The following LINGO2 variants were observed in gnomAD, a reference collection of about 807,000 sequenced individuals.
LINGO2 encodes leucine rich repeat and Ig domain containing 2.
Under a neutral mutation model 30.6 loss-of-function variants are expected in LINGO2, and 14 were observed. The observed-to-expected ratio is 0.46, with a 90% confidence interval of 0.30 to 0.72. The LOEUF (loss-of-function observed/expected upper bound fraction) is 0.72, where lower values mean the gene tolerates loss of function less well. Among genes scored for constraint, LINGO2 ranks in the 30% least tolerant of loss-of-function variants. The pLI is 0.07. For synonymous variants in LINGO2, 317 were observed against 288.5 expected (o/e 1.10, Z -1.00); for missense variants, 729 against 751.7 (o/e 0.97, Z 0.35).
At chr9:28,611,212 A>G (rs1825900578) in intron 1 of LINGO2, among the ~76,000 whole-genome samples, 3 of 152,198 alleles carry the variant, frequency 2.0e-5, no homozygotes, top group Admixed American at 6.5e-5. Context: ...TTATTGAGGT[A>G]TAATTGACAA....
intron 3 of LINGO2, among the ~76,000 whole-genome samples, chr9:28,363,766 C>A (rs1820546457): frequency 6.6e-6 from 1 of 151,882 alleles, no homozygotes; most frequent in South Asian, 2.1e-4. Flanking sequence ...TCCTGAGATT[C>A]CTGTTCCATG....
intron 4 of LINGO2, among the ~76,000 whole-genome samples, 160 bp downstream of exon 6, chr9:28,295,048 T>C (rs1188726407): frequency 6.6e-6 from 1 of 152,188 alleles, no homozygotes; most frequent in African/African-American, 2.4e-5. Flanking sequence ...ATTATTACTA[T>C]ATGCATTCTC....
the LINGO2 span, among the ~76,000 whole-genome samples, chr9:29,096,314 C>G: frequency 7.2e-6 from 1 of 139,180 alleles, no homozygotes; most frequent in Admixed American, 7.3e-5. Context: ...GAGACAGAGT[C>G]TTACTCTGTT....
At chr9:28,338,952 C>A (rs73433303) in intron 3 of LINGO2, among the ~76,000 whole-genome samples, 4,856 of 152,092 alleles carry the variant, frequency 0.032, 238 homozygotes, top group African/African-American at 0.11. Context: ...AACAAACAAA[C>A]AAACGTTAAA....
chr9:28,649,015 A>T (rs1827968532), intron 1 of LINGO2, among the ~76,000 whole-genome samples: 1 of 152,250 alleles, frequency 6.6e-6, no homozygotes, highest in African/African-American at 2.4e-5. Context: ...TGAGAGTTGA[A>T]GTAGTTTACA....
At position 28,337,577 on chromosome 9, in the gene LINGO2, T is replaced by C. The variant is rs1312520284; in HGVS notation, c.-246+35259A>G. ...CTCTCCCATAACAGGCCTGAAGGCC[T>C]ATGAAGAATAAATGGTTTCCTATGC... On this transcript the variant is annotated intron_variant, in intron 3 of 5. Coordinates refer to ENST00000379992, the Ensembl canonical transcript of LINGO2. Among the ~76,000 whole-genome samples, 5 of 152,252 alleles carry C rather than the reference T, an allele frequency of 3.3e-5. No homozygotes were observed. In the East Asian group the frequency reaches 9.6e-4, roughly 29 times the overall value.
chr9:28,949,922 C>A, the LINGO2 span, among the ~76,000 whole-genome samples: 20 of 152,084 alleles, frequency 1.3e-4, no homozygotes, highest in Non-Finnish European at 4.4e-5. Flanking sequence ...AGTTTATCCA[C>A]CACAAACAAG....
intron 1 of LINGO2, among the ~76,000 whole-genome samples, chr9:28,529,956 C>T (rs891279965): frequency 6.6e-6 from 1 of 152,102 alleles, no homozygotes; most frequent in African/African-American, 2.4e-5. Flanking sequence ...AGCAGATTTT[C>T]CTCTCTAACA....
chr9:28,460,178 C>T (rs1825021460), intron 2 of LINGO2, among the ~76,000 whole-genome samples: 1 of 152,094 alleles, frequency 6.6e-6, no homozygotes, highest in South Asian at 2.1e-4. Flanking sequence ...GACTTACTGC[C>T]TCTTTCTAAC....
the LINGO2 span, among the ~76,000 whole-genome samples, chr9:28,898,458 C>T: frequency 6.6e-6 from 1 of 152,116 alleles, no homozygotes; most frequent in Admixed American, 6.5e-5. Flanking sequence ...ACCCACAAAA[C>T]TTCACAGCAC....
chr9:29,106,696 A>T, the LINGO2 span, among the ~76,000 whole-genome samples: 2 of 152,184 alleles, frequency 1.3e-5, no homozygotes, highest in African/African-American at 4.8e-5. Context: ...TAATTGTATT[A>T]ATAACTATTA....
At chr9:28,648,697 G>C (rs181865754) in intron 1 of LINGO2, among the ~76,000 whole-genome samples, 69 of 152,088 alleles carry the variant, frequency 4.5e-4, no homozygotes, top group African/African-American at 1.5e-3. Context: ...GACTTCACAA[G>C]TCTTAGTACT....
At chr9:29,072,454 A>G in the LINGO2 span, among the ~76,000 whole-genome samples, 1 of 151,866 alleles carries the variant, frequency 6.6e-6, no homozygotes, top group African/African-American at 2.4e-5. Context: ...ACACTAAATT[A>G]TATATTTAGG....
chr9:28,602,802 C>T (rs1825543995), intron 1 of LINGO2, among the ~76,000 whole-genome samples: 1 of 151,950 alleles, frequency 6.6e-6, no homozygotes, highest in Non-Finnish European at 1.5e-5. Context: ...AAAAACAAGC[C>T]CTAATCCCTA....
At chr9:28,776,167 A>T in the LINGO2 span, among the ~76,000 whole-genome samples, 1 of 152,196 alleles carries the variant, frequency 6.6e-6, no homozygotes, top group South Asian at 2.1e-4. Flanking sequence ...GGCTTCAGTG[A>T]GGAAACAGTG....
At chr9:28,368,335 C>A (rs1049110280) in intron 3 of LINGO2, among the ~76,000 whole-genome samples, 1 of 152,152 alleles carries the variant, frequency 6.6e-6, no homozygotes, top group African/African-American at 2.4e-5. Flanking sequence ...GTGCAGCCCA[C>A]AATAAAGCAC....
At chr9:28,482,453 C>T (rs1380995027) in intron 1 of LINGO2, among the ~76,000 whole-genome samples, 1 of 151,928 alleles carries the variant, frequency 6.6e-6, no homozygotes, top group Non-Finnish European at 1.5e-5. Flanking sequence ...TGTCCTTTGC[C>T]CACTTTTTGA....
the LINGO2 span, among the ~76,000 whole-genome samples, chr9:28,893,221 T>C: frequency 4.6e-5 from 7 of 152,122 alleles, no homozygotes; most frequent in African/African-American, 1.7e-4. Flanking sequence ...TGTTTGATTT[T>C]ATTGCATGAA....
chr9:29,207,122 T>C, the LINGO2 span, among the ~76,000 whole-genome samples: 3 of 151,704 alleles, frequency 2.0e-5, no homozygotes, highest in South Asian at 2.1e-4. Context: ...GCTGTCTATA[T>C]ACATAGACAG....
Sources: allele counts gnomAD v4.1 joint callset (sites outside exome capture counted in the v4.1 genomes callset), GRCh38; gene constraint gnomAD v4.1.1; transcripts MANE v1.5; gene names NCBI Gene and HGNC (gene_info 2026-07-23, HGNC 2026-07-21).